Variants in GABRG2 observed in about 807,000 individuals in gnomAD.
GABRG2 encodes the protein gamma-aminobutyric acid receptor subunit gamma-2.
A neutral mutation model predicts 56.4 loss-of-function variants in GABRG2; 16 were observed. The observed-to-expected ratio is 0.28, with a 90% confidence interval of 0.19 to 0.43. The LOEUF is 0.43. GABRG2 is among the 20% of genes least tolerant of loss of function. The probability of loss-of-function intolerance (pLI) is 1.00; values close to 1 mark genes in which losing one functional copy is unlikely to be tolerated. For synonymous variants in GABRG2, 208 were observed against 205.5 expected (o/e 1.01, Z -0.10); for missense variants, 327 against 582.7 (o/e 0.56, Z 4.52).
chr5:162,070,495 G>A (rs1758584918), intron 1 of GABRG2, among the ~76,000 whole-genome samples: 1 of 151,630 alleles, frequency 6.6e-6, no homozygotes, highest in South Asian at 2.1e-4. Context: ...ATACTTTTGT[G>A]GTAGACAGTA....
intron 6 of GABRG2, among the ~76,000 whole-genome samples, chr5:162,115,862 A>G (rs1012536461): frequency 6.6e-6 from 1 of 152,162 alleles, no homozygotes; most frequent in Admixed American, 6.6e-5. Context: ...AATGATAATA[A>G]TGACAATATG....
chr5:162,091,829 A>G (rs1032122090), intron 1 of GABRG2, among the ~76,000 whole-genome samples: 1 of 152,144 alleles, frequency 6.6e-6, no homozygotes, highest in African/African-American at 2.4e-5. Flanking sequence ...AGGAGGTGCC[A>G]TAAACAAACA....
intron 1 of GABRG2, chr5:162,083,551 GA>G: frequency 5.5e-6 from 1 of 182,682 alleles, no homozygotes; most frequent in Non-Finnish European, 1.2e-5. Flanking sequence ...AATGAATGAA[GA>G]AAAACATTGA....
At chr5:162,095,453 G>GCACC in intron 2 of GABRG2, 42 bp from the exon 3 acceptor site, 1 of 1,164,452 alleles carries the variant, frequency 8.6e-7, no homozygotes, top group Non-Finnish European at 1.3e-6. Context: ...TTAAAATCTT[G>GCACC]CACCTCTCTA....
intron 4 of GABRG2, chr5:162,100,352 C>T (rs971827191): frequency 6.6e-6 from 1 of 152,024 alleles, no homozygotes; most frequent in Non-Finnish European, 1.5e-5. Flanking sequence ...ATAATACTTT[C>T]CTTACATCAA....
At chr5:162,103,794 TCA>T in intron 5 of GABRG2, 93 bp from the exon 6 acceptor site, 1 of 1,354,054 alleles carries the variant, frequency 7.4e-7, no homozygotes, top group Non-Finnish European at 1.0e-6. Flanking sequence ...ACTATCTTTC[TCA>T]GTCTTTACCT....
Position 162,095,491 on chromosome 5 carries a change from A to G in GABRG2, c.260-4A>G. 1 of 1,591,842 alleles carries G rather than the reference A, an allele frequency of 6.3e-7. No homozygotes were observed. The highest frequency in any genetic ancestry group is 8.6e-7 in the Non-Finnish European group (1 of 1,160,574). ...TGCACACATTTCTATGTTTCTCTTT[A>G]CAGTGAAGCCAACGTTAATTCACAC... is the stretch of plus-strand genomic sequence containing the variant. On this transcript the variant is annotated splice_region_variant and splice_polypyrimidine_tract_variant and intron_variant, in intron 2 of 9. Transcript: ENST00000639213.
At chr5:162,141,492 A>T (rs542957661) in intron 6 of GABRG2, among the ~76,000 whole-genome samples, 1 of 152,192 alleles carries the variant, frequency 6.6e-6, no homozygotes, top group Non-Finnish European at 1.5e-5. Context: ...GCTAACTACT[A>T]GTTTGCAATG....
chr5:162,124,460 A>T (rs952127246), intron 6 of GABRG2, among the ~76,000 whole-genome samples: 1 of 151,910 alleles, frequency 6.6e-6, no homozygotes, highest in African/African-American at 2.4e-5. Flanking sequence ...GAAAAACAGC[A>T]TAGAATAGGT....
chr5:162,132,747 T>C (rs1581421403), intron 6 of GABRG2, among the ~76,000 whole-genome samples: 1 of 152,048 alleles, frequency 6.6e-6, no homozygotes, highest in African/African-American at 2.4e-5. Flanking sequence ...TCTGAAGTGC[T>C]GAAACTATTT....
intron 6 of GABRG2, among the ~76,000 whole-genome samples, chr5:162,126,641 A>G (rs1165477903): frequency 1.3e-5 from 2 of 151,904 alleles, no homozygotes; most frequent in African/African-American, 2.4e-5. Context: ...TTCACACTCA[A>G]TTCTCCGAGC....
rs1399335334 is a variant in GABRG2, at chr5:162,097,609, A to G, written c.328-29A>G. ...AAAAAGATAATCTTACTGTGTACAA[A>G]TTTTCTGTTTATCATTTTATTAAAA... is the stretch of plus-strand genomic sequence containing the variant. On this transcript the variant is annotated intron_variant, in intron 3 of 9. Coordinates refer to ENST00000639213, the MANE Select transcript of GABRG2 (RefSeq NM_198904.4). 5 of 1,493,940 alleles carry G rather than the reference A, an allele frequency of 3.3e-6. 1 individual carries two copies. The Middle Eastern group carries it at 5.2e-4, about 154-fold the overall frequency. The allele number at this position is 1,493,940 out of a possible 1,614,324, so 92.5% of individuals were successfully genotyped here.
intron 4 of GABRG2, chr5:162,099,467 C>T (rs566125902): frequency 6.6e-6 from 1 of 152,084 alleles, no homozygotes; most frequent in Non-Finnish European, 1.5e-5. Context: ...TAGAGATAGT[C>T]TTACTATGTT....
chr5:162,067,642 G>GT, upstream of GABRG2: 1 of 542,896 alleles, frequency 1.8e-6, no homozygotes, highest in South Asian at 3.0e-5. Context: ...GGGAGAACGC[G>GT]TAAGTGTGAG....
chr5:162,094,039 A>G (rs78369083), intron 2 of GABRG2, 60 bp downstream of exon 2: 6 of 1,549,056 alleles, frequency 3.9e-6, no homozygotes, highest in Non-Finnish European at 5.3e-6. Context: ...GTCTACTTTA[A>G]TAGATAAAAC....
chr5:162,135,742 G>C (rs1378416522), intron 6 of GABRG2, among the ~76,000 whole-genome samples: 1 of 152,290 alleles, frequency 6.6e-6, no homozygotes, highest in South Asian at 2.1e-4. Context: ...TGGGATATTA[G>C]AGTTGAGGCC....
At chr5:162,070,055 A>G (rs1223237480) in intron 1 of GABRG2, among the ~76,000 whole-genome samples, 1 of 152,114 alleles carries the variant, frequency 6.6e-6, no homozygotes, top group African/African-American at 2.4e-5. Context: ...GTTTAACTTT[A>G]CTATAGTTTA....
At chr5:162,136,219 G>A (rs1764112823) in intron 6 of GABRG2, among the ~76,000 whole-genome samples, 1 of 152,056 alleles carries the variant, frequency 6.6e-6, no homozygotes, top group African/African-American at 2.4e-5. Flanking sequence ...TGCTCAAGGG[G>A]AATGACCTGA....
intron 7 of GABRG2, among the ~76,000 whole-genome samples, chr5:162,147,429 A>ATTTCAGCTCATTGCAAC (rs763326302): frequency 5.2e-4 from 78 of 151,044 alleles, no homozygotes; most frequent in South Asian, 2.5e-3. Context: ...CAATGCCACG[A>ATTTCAGCTCATTGCAAC]TTTCAGCTCA....
Sources: allele counts gnomAD v4.1 joint callset (sites outside exome capture counted in the v4.1 genomes callset), GRCh38; gene constraint gnomAD v4.1.1; transcripts MANE v1.5; gene names NCBI Gene and HGNC (gene_info 2026-07-23, HGNC 2026-07-21).